Variants in NUDCD3 observed in about 807,000 individuals in gnomAD.
NUDCD3 encodes the protein nudC domain-containing protein 3.
Under a neutral mutation model 39.7 loss-of-function variants are expected in NUDCD3, and 13 were observed. That is an observed-to-expected ratio of 0.33 (90% CI 0.21 to 0.52). The LOEUF (loss-of-function observed/expected upper bound fraction) is 0.52, where lower values mean the gene tolerates loss of function less well. Ranked by LOEUF, NUDCD3 falls within the 20% of genes least tolerant of loss-of-function variation. NUDCD3 has a pLI of 0.96. For synonymous variants in NUDCD3, 175 were observed against 172.4 expected (o/e 1.02, Z -0.12); for missense variants, 453 against 458.1 (o/e 0.99, Z 0.10).
chr7:44,404,303 C>G (rs1585056677), intron 4 of NUDCD3, 137 bp downstream of exon 4: 7 of 844,712 alleles, frequency 8.3e-6, no homozygotes, highest in African/African-American at 3.4e-5. Flanking sequence ...GGAAAATGCT[C>G]AGGAAAACCC....
intron 2 of NUDCD3, among the ~76,000 whole-genome samples, chr7:44,429,302 AC>A (rs1799304773): frequency 6.6e-6 from 1 of 152,218 alleles, no homozygotes; most frequent in South Asian, 2.1e-4. Context: ...TGATGCAGTT[AC>A]AACAAGGTCA....
chr7:44,462,461 TG>T (rs1437623419), intron 2 of NUDCD3, among the ~76,000 whole-genome samples: 4 of 152,160 alleles, frequency 2.6e-5, no homozygotes, highest in Non-Finnish European at 5.9e-5. Context: ...GTTCAGAAAA[TG>T]TTCCTAAATA....
intron 3 of NUDCD3, among the ~76,000 whole-genome samples, chr7:44,412,948 A>AAAAAAAAAAAAAAAAC: frequency 6.6e-6 from 1 of 150,916 alleles, no homozygotes; most frequent in African/African-American, 2.4e-5. Context: ...AAAAAGAAAA[A>AAAAAAAAAAAAAAAAC]AAAAAAGAAA....
intron 4 of NUDCD3, chr7:44,402,667 C>T (rs547971488): frequency 2.2e-6 from 1 of 456,636 alleles, no homozygotes; most frequent in African/African-American, 2.0e-5. Context: ...CAGAGGGAAC[C>T]AACTTGAGAG....
At chr7:44,433,928 C>T (rs1799418101) in intron 2 of NUDCD3, among the ~76,000 whole-genome samples, 1 of 151,994 alleles carries the variant, frequency 6.6e-6, no homozygotes, top group South Asian at 2.1e-4. Flanking sequence ...CAAATGAATC[C>T]TCCTCCTCAT....
chr7:44,488,856 T>C (rs193124293), intron 1 of NUDCD3, among the ~76,000 whole-genome samples: 37 of 152,348 alleles, frequency 2.4e-4, no homozygotes, highest in African/African-American at 8.2e-4. Flanking sequence ...ACCAGGTTAA[T>C]GAGTGCTCTG....
intron 4 of NUDCD3, chr7:44,403,013 A>G (rs1798752781): frequency 5.2e-6 from 1 of 191,624 alleles, no homozygotes; most frequent in African/African-American, 2.3e-5. Context: ...AGCTTGGGAA[A>G]AGGCTCCAGG....
At chr7:44,458,676 C>A (rs1335846091) in intron 2 of NUDCD3, among the ~76,000 whole-genome samples, 1 of 151,664 alleles carries the variant, frequency 6.6e-6, no homozygotes, top group Non-Finnish European at 1.5e-5. Flanking sequence ...AAAAAAAGTT[C>A]TGGAATTAGA....
chr7:44,387,309 G>A (rs757938840), intron 5 of NUDCD3, among the ~76,000 whole-genome samples: 1 of 152,144 alleles, frequency 6.6e-6, no homozygotes, highest in Non-Finnish European at 1.5e-5. Flanking sequence ...TATGGGTGCA[G>A]TCCACCATAC....
At chr7:44,420,626 A>G (rs1799119122) in intron 3 of NUDCD3, among the ~76,000 whole-genome samples, 3 of 152,232 alleles carry the variant, frequency 2.0e-5, no homozygotes. Flanking sequence ...TACAAAGGGA[A>G]GCCCACAGAC....
chr7:44,421,401 G>A (rs1356961103), intron 3 of NUDCD3, among the ~76,000 whole-genome samples: 1 of 144,760 alleles, frequency 6.9e-6, no homozygotes, highest in African/African-American at 2.6e-5. Flanking sequence ...TCAGTGTGCT[G>A]TATTCAGGAG....
At chr7:44,411,824 T>C (rs1250615883) in intron 3 of NUDCD3, among the ~76,000 whole-genome samples, 1 of 152,154 alleles carries the variant, frequency 6.6e-6, no homozygotes, top group East Asian at 1.9e-4. Flanking sequence ...AGAAAACATA[T>C]GTCCAGAGAA....
chr7:44,463,664 T>C (rs1471696556), intron 2 of NUDCD3, among the ~76,000 whole-genome samples: 1 of 151,814 alleles, frequency 6.6e-6, no homozygotes, highest in Non-Finnish European at 1.5e-5. Context: ...CAACCAGCAA[T>C]CTTAAACATT....
chr7:44,418,905 T>C (rs530873307), intron 3 of NUDCD3, among the ~76,000 whole-genome samples: 70 of 152,354 alleles, frequency 4.6e-4, no homozygotes, highest in African/African-American at 1.6e-3. Context: ...CCCAAGGTTC[T>C]TGCAATCTGC....
intron 2 of NUDCD3, among the ~76,000 whole-genome samples, chr7:44,440,334 C>A (rs752554775): frequency 5.3e-5 from 8 of 152,038 alleles, no homozygotes; most frequent in Non-Finnish European, 1.2e-4. Context: ...CTACAACATA[C>A]CTGGCCTCTT....
chr7:44,458,936 CTGTGTGTGTGTGTGTGTGTGTGTG>C (rs55947411), intron 2 of NUDCD3, among the ~76,000 whole-genome samples: 1 of 116,060 alleles, frequency 8.6e-6, no homozygotes, highest in Admixed American at 9.2e-5. Context: ...ACGGGGAGTG[CTGTGTGTGTGTGTGTGTGTGTGTG>C]TGTGTGTGTG....
chr7:44,467,600 C>T (rs919974173), intron 2 of NUDCD3, among the ~76,000 whole-genome samples: 5 of 151,756 alleles, frequency 3.3e-5, no homozygotes, highest in East Asian at 1.9e-4. Context: ...CCGGCAGGGA[C>T]GAGGCAAAAG....
At chr7:44,468,824 CAT>C (rs1486050832) in intron 2 of NUDCD3, among the ~76,000 whole-genome samples, 1 of 152,064 alleles carries the variant, frequency 6.6e-6, no homozygotes, top group East Asian at 1.9e-4. Flanking sequence ...ATGATGCAAA[CAT>C]GTTAACAGGA....
chr7:44,440,496 G>GGAAAAAAAAA (rs765880867), intron 2 of NUDCD3, among the ~76,000 whole-genome samples: 2 of 48,386 alleles, frequency 4.1e-5, no homozygotes, highest in Non-Finnish European at 8.1e-5. Context: ...CAGAAAAATT[G>GGAAAAAAAAA]AAAAAAAAAA....
Sources: gnomAD v4.1 joint callset for allele counts (sites outside exome capture counted in the v4.1 genomes callset) on GRCh38, gnomAD v4.1.1 for gene constraint, MANE v1.5 for transcripts, NCBI Gene and HGNC (gene_info 2026-07-23, HGNC 2026-07-21) for gene names.